Variants in SORCS1 observed in about 807,000 individuals in gnomAD.
SORCS1 encodes sortilin related VPS10 domain containing receptor 1, also known as VPS10 domain-containing receptor SorCS1.
A neutral mutation model predicts 146.1 loss-of-function variants in SORCS1; 60 were observed. That is an observed-to-expected ratio of 0.41 (90% CI 0.33 to 0.51). The LOEUF is 0.51. SORCS1 is among the 20% of genes least tolerant of loss of function. The pLI is 0.21. For missense variants in SORCS1, 1,352 were observed against 1,487.6 expected (o/e 0.91, Z 1.50); for synonymous variants, 637 against 584.0 (o/e 1.09, Z -1.31).
chr10:107,043,345 A>G (rs1251168601), intron 1 of SORCS1, among the ~76,000 whole-genome samples: 1 of 152,144 alleles, frequency 6.6e-6, no homozygotes, highest in Non-Finnish European at 1.5e-5. Flanking sequence ...TTCAACCTGC[A>G]GGTTTTATGT....
In SORCS1 at chr10:106,770,498, T is replaced by C. The variant is rs544541673; in HGVS notation, c.885+6036A>G. 3.1e-3 allele frequency among the ~76,000 whole-genome samples: 459 copies of C among 146,754 alleles called. 1 individual carries two copies. The highest frequency in any genetic ancestry group is 0.014 in the Middle Eastern group (4 of 278). ...AAAATCGCAAAAAAAAAAAAAAAATTAACATCTTCTCAAATAAAATCAAAA... is the reference window on the plus strand; with the variant it reads ...AAAATCGCAAAAAAAAAAAAAAAATCAACATCTTCTCAAATAAAATCAAAA... On this transcript the variant is annotated intron_variant, in intron 4 of 25. Coordinates refer to ENST00000263054, the MANE Select transcript of SORCS1 (RefSeq NM_052918.5).
At chr10:107,000,150 A>C (rs147511722) in intron 1 of SORCS1, among the ~76,000 whole-genome samples, 106 of 152,346 alleles carry the variant, frequency 7.0e-4, no homozygotes, top group Non-Finnish European at 1.2e-3. Context: ...ATTTGAAATA[A>C]ATAATTTTTT....
At chr10:106,945,596 C>A (rs902395902) in intron 2 of SORCS1, among the ~76,000 whole-genome samples, 3 of 152,202 alleles carry the variant, frequency 2.0e-5, no homozygotes, top group Admixed American at 1.3e-4. Context: ...AATTAATATT[C>A]TAAATGCTTC....
chr10:107,075,326 T>G (rs1186892639), intron 1 of SORCS1, among the ~76,000 whole-genome samples: 3 of 152,146 alleles, frequency 2.0e-5, no homozygotes, highest in Non-Finnish European at 4.4e-5. Flanking sequence ...GCTTTCCAAC[T>G]TTTGTATGAT....
intron 1 of SORCS1, among the ~76,000 whole-genome samples, chr10:107,123,023 T>C (rs563452783): frequency 1.3e-5 from 2 of 151,130 alleles, no homozygotes; most frequent in Non-Finnish European, 2.9e-5. Context: ...ATTTCCCCTT[T>C]CTTTTTTTCA....
At chr10:106,712,665 A>G (rs1038165676) in intron 6 of SORCS1, among the ~76,000 whole-genome samples, 1 of 152,240 alleles carries the variant, frequency 6.6e-6, no homozygotes, top group Non-Finnish European at 1.5e-5. Flanking sequence ...TACAAATGTT[A>G]GTTGTTATGA....
rs138437611 is a variant in SORCS1, at chr10:106,968,761, T to C, written c.559-12181A>G. Among the ~76,000 whole-genome samples, 221 of 152,342 alleles carry C rather than the reference T, an allele frequency of 1.5e-3. 1 individual carries two copies. Among genetic ancestry groups the C allele is most frequent in the African/African-American group, 5.1e-3 (211 of 41,586 alleles). ...GAATGCAAGCTTTTAACTTTTTTTTTCATTATCTCCTCTCATTTACCATAA... is the reference window on the plus strand; with the variant it reads ...GAATGCAAGCTTTTAACTTTTTTTTCCATTATCTCCTCTCATTTACCATAA... On this transcript the variant is annotated intron_variant, in intron 1 of 25. Transcript: ENST00000263054.
chr10:106,735,728 A>G (rs945621206), intron 5 of SORCS1, among the ~76,000 whole-genome samples: 2 of 152,216 alleles, frequency 1.3e-5, no homozygotes, highest in Non-Finnish European at 2.9e-5. Context: ...CAGGGGCCCA[A>G]TCAAAAAGCA....
chr10:106,658,164 C>T (rs556961059), intron 17 of SORCS1, among the ~76,000 whole-genome samples: 16 of 152,196 alleles, frequency 1.1e-4, no homozygotes, highest in Admixed American at 7.9e-4. Context: ...TAAAGATCCA[C>T]GACCTGACCT....
chr10:106,580,549 C>G (rs192988783), intron 24 of SORCS1, among the ~76,000 whole-genome samples: 1 of 152,206 alleles, frequency 6.6e-6, no homozygotes, highest in Non-Finnish European at 1.5e-5. Flanking sequence ...TCCAGGGAAG[C>G]CTTGGTGCTG....
intron 10 of SORCS1, among the ~76,000 whole-genome samples, chr10:106,682,261 G>A (rs821925): frequency 0.83 from 126,183 of 152,196 alleles, 53,696 homozygotes; most frequent in Non-Finnish European, 0.94. Context: ...CAGAGGGCTG[G>A]GATACATTAA....
intron 6 of SORCS1, among the ~76,000 whole-genome samples, chr10:106,719,189 A>C (rs187366079): frequency 6.6e-6 from 1 of 152,310 alleles, no homozygotes; most frequent in East Asian, 1.9e-4. Context: ...CAAGAATGAA[A>C]AGTGGAAAGT....
At chr10:106,616,115 C>A (rs1392087272) in intron 21 of SORCS1, among the ~76,000 whole-genome samples, 1 of 152,156 alleles carries the variant, frequency 6.6e-6, no homozygotes, top group Non-Finnish European at 1.5e-5. Context: ...AGCAGAATGA[C>A]TTTAAGCCAG....
At chr10:106,631,004 G>T (rs1020818656) in intron 18 of SORCS1, among the ~76,000 whole-genome samples, 1 of 151,940 alleles carries the variant, frequency 6.6e-6, no homozygotes, top group Non-Finnish European at 1.5e-5. Context: ...TTTCAGGAAA[G>T]AAAAAAACAA....
intron 5 of SORCS1, among the ~76,000 whole-genome samples, chr10:106,749,366 T>C (rs956169123): frequency 2.0e-5 from 3 of 152,164 alleles, no homozygotes; most frequent in African/African-American, 7.2e-5. Context: ...GCCCCAAACC[T>C]GCTTGGCTGC....
At chr10:106,756,373 C>T in intron 5 of SORCS1, among the ~76,000 whole-genome samples, 1 of 152,260 alleles carries the variant, frequency 6.6e-6, no homozygotes, top group African/African-American at 2.4e-5. Context: ...AATTATTTTA[C>T]AGGGGAAAAA....
intron 1 of SORCS1, among the ~76,000 whole-genome samples, chr10:107,108,111 C>T (rs1965427021): frequency 6.6e-6 from 1 of 152,110 alleles, no homozygotes; most frequent in Admixed American, 6.5e-5. Flanking sequence ...CCCCTCTGAG[C>T]TGTTGGTTGT....
At chr10:106,863,305 A>G (rs934555940) in intron 2 of SORCS1, among the ~76,000 whole-genome samples, 1 of 152,140 alleles carries the variant, frequency 6.6e-6, no homozygotes, top group Admixed American at 6.5e-5. Flanking sequence ...GGGGCAGATA[A>G]CTTGAGGTCA....
At chr10:107,093,506 C>G (rs1964344848) in intron 1 of SORCS1, among the ~76,000 whole-genome samples, 1 of 152,082 alleles carries the variant, frequency 6.6e-6, no homozygotes, top group African/African-American at 2.4e-5. Context: ...AACCCTGTCT[C>G]TACTAAAAAT....
Sources: allele counts gnomAD v4.1 joint callset (sites outside exome capture counted in the v4.1 genomes callset), GRCh38; gene constraint gnomAD v4.1.1; transcripts MANE v1.5; gene names NCBI Gene and HGNC (gene_info 2026-07-23, HGNC 2026-07-21).